Variants in ANKRD62 observed in about 807,000 individuals in gnomAD.
The protein encoded by ANKRD62 is ankyrin repeat domain 62.
A neutral mutation model predicts 98.8 loss-of-function variants in ANKRD62; 61 were observed. The ratio of observed to expected loss-of-function variants is 0.62; its 90% CI spans 0.50 to 0.76. ANKRD62 has a LOEUF of 0.76. Among genes scored for constraint, ANKRD62 ranks in the 30% least tolerant of loss-of-function variants. The pLI, the probability that ANKRD62 is intolerant of heterozygous loss-of-function variation, is 0.00. For synonymous variants in ANKRD62, 341 were observed against 367.9 expected, an observed-to-expected ratio of 0.93 and a Z score of 0.84; for missense variants, 933 against 1,082.9, an observed-to-expected ratio of 0.86 and a Z score of 1.94.
chr18:12,157,785 C>T, the ANKRD62 span, among the ~76,000 whole-genome samples: 1 of 152,142 alleles, frequency 6.6e-6, no homozygotes, highest in Non-Finnish European at 1.5e-5. Flanking sequence ...GTTTCCACTG[C>T]AGCTGGAAAG....
chr18:12,108,727 G>A (rs78681570), intron 8 of ANKRD62, among the ~76,000 whole-genome samples: 1 of 24,018 alleles, frequency 4.2e-5, no homozygotes, highest in African/African-American at 1.6e-4. Flanking sequence ...TCAAAAATTA[G>A]TTAGTTAGTT....
At chr18:12,175,133 G>T in the ANKRD62 span, among the ~76,000 whole-genome samples, 1 of 152,234 alleles carries the variant, frequency 6.6e-6, no homozygotes, top group Non-Finnish European at 1.5e-5. Flanking sequence ...TGGCGACTGT[G>T]TATGTGGTTG....
chr18:12,141,163 A>G, the ANKRD62 span, among the ~76,000 whole-genome samples: 1 of 152,180 alleles, frequency 6.6e-6, no homozygotes, highest in East Asian at 1.9e-4. Flanking sequence ...CATGTGTGGG[A>G]TATAATCTCC....
At chr18:12,133,739 T>A (rs1321178592), downstream of ANKRD62, among the ~76,000 whole-genome samples, 1 of 152,182 alleles carries the variant, frequency 6.6e-6, no homozygotes, top group East Asian at 1.9e-4. Context: ...GTAGTTGATT[T>A]GTAAGAGTTC....
intron 8 of ANKRD62, among the ~76,000 whole-genome samples, chr18:12,109,600 G>T (rs1370025831): frequency 6.6e-6 from 1 of 152,132 alleles, no homozygotes; most frequent in Non-Finnish European, 1.5e-5. Flanking sequence ...TTTTCTCAAT[G>T]CAAAAGTGCT....
At chr18:12,107,114 A>C (rs781048984) in intron 7 of ANKRD62, among the ~76,000 whole-genome samples, 181 bp from the exon 8 acceptor site, 1 of 130,726 alleles carries the variant, frequency 7.6e-6, no homozygotes, top group Non-Finnish European at 1.7e-5. Flanking sequence ...CAGACTTTAT[A>C]TGAATTTCAA....
At chr18:12,115,324 C>G (rs1909637749) in intron 9 of ANKRD62, 69 bp from the exon 10 acceptor site, 1 of 1,368,214 alleles carries the variant, frequency 7.3e-7, no homozygotes, top group Non-Finnish European at 9.6e-7. Flanking sequence ...ATAATTCCCA[C>G]TGGTGTATAT....
chr18:12,097,428 G>A (rs1401056260), intron 4 of ANKRD62, among the ~76,000 whole-genome samples: 1 of 152,126 alleles, frequency 6.6e-6, no homozygotes, highest in African/African-American at 2.4e-5. Context: ...ATCCCAGTGG[G>A]ACAAGAGGCT....
intron 11 of ANKRD62, among the ~76,000 whole-genome samples, chr18:12,123,355 G>C (rs1909822186): frequency 6.6e-6 from 1 of 152,034 alleles, no homozygotes; most frequent in African/African-American, 2.4e-5. Flanking sequence ...GCCTGGCCCA[G>C]TTTTACTCTT....
intron 8 of ANKRD62, among the ~76,000 whole-genome samples, chr18:12,109,223 C>T (rs1909481759): frequency 6.6e-6 from 1 of 152,214 alleles, no homozygotes; most frequent in Non-Finnish European, 1.5e-5. Context: ...TTTGCTTGGA[C>T]ATCTAGGCAT....
Position 12,125,535 on chromosome 18 carries a change from A to G in ANKRD62, c.1714A>G (p.Arg572Gly). Residue 572 changes from arginine (R) to glycine (G), a missense_variant, in exon 13 of 14, where the codon AGG (arginine) becomes GGG (glycine). Physicochemically the swap from Arg to Gly is moderately radical, Grantham distance 125. Transcript: ENST00000587848. The part of the protein sequence containing the change: ...HLMRDEIARL[R>G]LEIDTIKHQN... Reference sequence around the variant, plus strand: ...GATGCGGGATGAAATTGCCAGACTCAGGCTGGAAATAGACACAATAAAACA... The same window carrying G: ...GATGCGGGATGAAATTGCCAGACTCGGGCTGGAAATAGACACAATAAAACA... 1 of 1,511,834 alleles carries G rather than the reference A, an allele frequency of 6.6e-7. No homozygotes were observed. The highest frequency in any genetic ancestry group is 1.4e-5 in the African/African-American group (1 of 71,278). The allele number at this position is 1,511,834 out of a possible 1,614,324, so 93.7% of individuals were successfully genotyped here.
intron 11 of ANKRD62, among the ~76,000 whole-genome samples, chr18:12,123,542 A>G (rs1040187131): frequency 6.6e-6 from 1 of 152,234 alleles, no homozygotes; most frequent in Admixed American, 6.5e-5. Context: ...AATTGTTTGT[A>G]AAATACATAC....
Position 12,126,134 on chromosome 18 carries a change from T to C in ANKRD62, c.2313T>C (p.Ser771=). Residue 771 remains serine, a synonymous_variant, in exon 13 of 14, where the codon TCT becomes TCC. Transcript: ENST00000587848. Reference sequence around the variant, plus strand: ...AAAAATACGTGAGAAAGCAGCAATCTGTAGAGGATGGACTATTTCAACTAC... The same window carrying C: ...AAAAATACGTGAGAAAGCAGCAATCCGTAGAGGATGGACTATTTCAACTAC... ...ILEKYVRKQQ[S]VEDGLFQLQS... is the part of the protein sequence containing the mutation. The C allele has an allele frequency of 6.5e-7, 1 of 1,536,100 alleles. No homozygotes were observed. Among genetic ancestry groups the C allele is most frequent in the East Asian group, 2.4e-5 (1 of 40,922 alleles).
At chr18:12,172,718 G>A in the ANKRD62 span, among the ~76,000 whole-genome samples, 2 of 152,192 alleles carry the variant, frequency 1.3e-5, no homozygotes, top group Admixed American at 6.5e-5. Flanking sequence ...GGAGTCTACA[G>A]AGGCAGGCAG....
chr18:12,095,222 C>G lies in ANKRD62; in HGVS notation c.270C>G (p.Asp90Glu), dbSNP rs973218537. Residue 90 changes from aspartate (D) to glutamate (E), a missense_variant, in exon 2 of 14, where the codon GAC becomes GAG. Physicochemically the swap from Asp to Glu is conservative, Grantham distance 45 (BLOSUM62 2). Around this residue, in one of 3 missense-constraint regions of ANKRD62, gnomAD observed 549 missense variants for 587.9 expected, o/e 0.93. Transcript: ENST00000587848. ...CAHGRPGVVA[D>E]LVARKCQLNL... ...ATGGCCGTCCAGGAGTGGTAGCTGA[C>G]CTGGTGGCCAGAAAATGCCAGCTTA... 8 of 1,537,580 alleles carry G rather than the reference C, an allele frequency of 5.2e-6. No individual in the cohort carries two copies. In the African/African-American group the frequency reaches 8.2e-5, roughly 16 times the overall value.
At chr18:12,124,561 T>C (rs12961834) in intron 12 of ANKRD62, among the ~76,000 whole-genome samples, 1,762 of 152,260 alleles carry the variant, frequency 0.012, 16 homozygotes, top group African/African-American at 0.019. Flanking sequence ...GATATTTTGT[T>C]GGTAAGTAAT....
Position 12,122,300 on chromosome 18 carries a change from CAG to C in ANKRD62, c.1241-1_1241del. On this transcript the variant is annotated splice_acceptor_variant, in intron 10 of 13. Transcript: ENST00000587848. LOFTEE classifies it high-confidence loss of function. ...TCTCTATTTTGTCTTCTCCTGGTAA[CAG>C]ATTTTGTTAGCCTATCGAAAAGCAA... 6.5e-7 allele frequency: 1 copy of C among 1,531,430 alleles called. No homozygotes were observed. 94.9% of individuals were successfully genotyped at this position (1,531,430 alleles called of 1,614,324 possible).
At position 12,094,159 on chromosome 18, in the gene ANKRD62, G is replaced by T. The variant is rs756273640; in HGVS notation, c.142G>T (p.Ala48Ser). 1 of 1,532,978 alleles carries T rather than the reference G, an allele frequency of 6.5e-7. No individual in the cohort carries two copies. Among genetic ancestry groups the T allele is most frequent in the South Asian group, 1.2e-5 (1 of 83,786 alleles). The allele number at this position is 1,532,978 out of a possible 1,614,324, so 95.0% of individuals were successfully genotyped here. A position where few individuals can be genotyped will look rare whatever the true frequency, so the allele number is the denominator to read the frequency against. ...DLGMIHKAAI[A>S]GDVNKVMESI... ...GGGCATGATCCACAAAGCTGCCATC[G>T]CAGGTGATGTGAACAAGGTGATGGA... is the stretch of plus-strand genomic sequence containing the variant. Residue 48 changes from alanine to serine, a missense_variant, in exon 1 of 14, where the codon GCA becomes TCA. Transcript: ENST00000587848.
rs1191272466 is a variant in ANKRD62 at position 12,127,810 on chromosome 18, A to G, written c.2625A>G (p.Glu875=). 1 of 1,511,460 alleles carries G rather than the reference A, an allele frequency of 6.6e-7. No homozygotes were observed. The highest frequency in any genetic ancestry group is 1.3e-5 in the South Asian group (1 of 78,816). 93.6% of individuals were successfully genotyped at this position (1,511,460 alleles called of 1,614,324 possible). A position where few individuals can be genotyped will look rare whatever the true frequency, so the allele number is the denominator to read the frequency against. The change falls in exon 14 of 14, where the codon GAA becomes GAG. Residue 875 remains glutamate, a synonymous_variant. Coordinates refer to ENST00000587848, the MANE Select transcript of ANKRD62 (RefSeq NM_001277333.2). ...CCCTGAACAAACAATTGCTGTTAGA[A>G]GCTATGCTAGAGATTTCATCAGAAC... is the stretch of plus-strand genomic sequence containing the variant. ...DDALNKQLLL[E]AMLEISSERR... is the part of the protein sequence containing the mutation.
Sources: allele counts gnomAD v4.1 joint callset (sites outside exome capture counted in the v4.1 genomes callset), GRCh38; gene constraint gnomAD v4.1.1; regional missense constraint gnomAD v4.1.1; transcripts MANE v1.5; gene names NCBI Gene and HGNC (gene_info 2026-07-23, HGNC 2026-07-21).